The following SLC35D4 variants were observed in gnomAD, a reference collection of about 807,000 sequenced individuals.
SLC35D4 encodes solute carrier family 35 member D4.
At chr18:23,430,235 TTTTC>T in the SLC35D4 span, among the ~76,000 whole-genome samples, 1 of 54,182 alleles carries the variant, frequency 1.8e-5, no homozygotes, top group Non-Finnish European at 3.5e-5. Flanking sequence ...GGTTAGCCAG[TTTTC>T]TTTTTTATTT....
the SLC35D4 span, chr18:23,257,205 TTTGA>T: frequency 6.2e-7 from 1 of 1,605,202 alleles, no homozygotes; most frequent in African/African-American, 1.3e-5. Flanking sequence ...TGAACATGCT[TTTGA>T]TTTTCTTTTT....
chr18:23,253,370 C>T, the SLC35D4 span, among the ~76,000 whole-genome samples: 1 of 152,176 alleles, frequency 6.6e-6, no homozygotes, highest in African/African-American at 2.4e-5. Flanking sequence ...GTAAGCACAG[C>T]TACTTGGGAG....
chr18:23,248,283 C>T, the SLC35D4 span, among the ~76,000 whole-genome samples: 4 of 152,164 alleles, frequency 2.6e-5, no homozygotes, highest in Non-Finnish European at 4.4e-5. Context: ...CCGCCTTCAC[C>T]GAGCCAGGTT....
At chr18:23,361,655 A>G in the SLC35D4 span, among the ~76,000 whole-genome samples, 1 of 152,140 alleles carries the variant, frequency 6.6e-6, no homozygotes, top group Admixed American at 6.5e-5. Flanking sequence ...TGAATCCAAC[A>G]GGCTCCACAA....
the SLC35D4 span, among the ~76,000 whole-genome samples, chr18:23,322,134 C>T: frequency 6.6e-6 from 1 of 152,332 alleles, no homozygotes; most frequent in Admixed American, 6.5e-5. Context: ...CAGTGAGACT[C>T]TAATTTTTTA....
the SLC35D4 span, among the ~76,000 whole-genome samples, chr18:23,271,675 G>A: frequency 6.6e-6 from 1 of 152,144 alleles, no homozygotes; most frequent in South Asian, 2.1e-4. Flanking sequence ...CAGGATGGGG[G>A]CTTGGAAAGA....
chr18:23,303,119 G>A, the SLC35D4 span, among the ~76,000 whole-genome samples: 1 of 152,220 alleles, frequency 6.6e-6, no homozygotes, highest in East Asian at 1.9e-4. Flanking sequence ...CCTGGGCTCT[G>A]AGAGCTGGTC....
the SLC35D4 span, among the ~76,000 whole-genome samples, chr18:23,328,232 G>C: frequency 1.3e-5 from 2 of 152,058 alleles, no homozygotes; most frequent in African/African-American, 2.4e-5. Context: ...AGAAATAAAG[G>C]GTATTCAATT....
At chr18:23,260,730 G>T in the SLC35D4 span, among the ~76,000 whole-genome samples, 1 of 152,100 alleles carries the variant, frequency 6.6e-6, no homozygotes, top group African/African-American at 2.4e-5. Context: ...ATGGGGGCGC[G>T]CCCTGACGTC....
chr18:23,435,130 C>T, the SLC35D4 span, among the ~76,000 whole-genome samples: 1 of 151,798 alleles, frequency 6.6e-6, no homozygotes, highest in Non-Finnish European at 1.5e-5. Flanking sequence ...TGCACTCCAG[C>T]CTGGGTGACA....
the SLC35D4 span, among the ~76,000 whole-genome samples, chr18:23,292,764 A>G: frequency 2.0e-3 from 303 of 152,322 alleles, 1 homozygote; most frequent in African/African-American, 7.0e-3. Flanking sequence ...TGTCCCCTGC[A>G]CTACCATTGG....
chr18:23,437,832 C>G, the SLC35D4 span: 9 of 1,613,026 alleles, frequency 5.6e-6, no homozygotes, highest in African/African-American at 6.7e-5. Flanking sequence ...TGAGGCCGAC[C>G]AGAGACCTCC....
the SLC35D4 span, among the ~76,000 whole-genome samples, chr18:23,396,421 T>C: frequency 6.6e-6 from 1 of 152,158 alleles, no homozygotes; most frequent in African/African-American, 2.4e-5. Flanking sequence ...ATCCACCCTA[T>C]GAATTTCTAA....
chr18:23,286,351 C>A, the SLC35D4 span, among the ~76,000 whole-genome samples: 2 of 152,184 alleles, frequency 1.3e-5, no homozygotes, highest in Non-Finnish European at 2.9e-5. Context: ...CCAAGGAATG[C>A]CCGCAGCCCA....
At chr18:23,253,921 CA>C in the SLC35D4 span, 1 of 1,614,084 alleles carries the variant, frequency 6.2e-7, no homozygotes, top group Admixed American at 1.7e-5. Flanking sequence ...AACACGAAGT[CA>C]AGCATTTAAT....
chr18:23,381,364 C>T, the SLC35D4 span, among the ~76,000 whole-genome samples: 1 of 152,130 alleles, frequency 6.6e-6, no homozygotes, highest in Non-Finnish European at 1.5e-5. Flanking sequence ...TTTTTAGAGT[C>T]AGGGTCTCAC....
chr18:23,334,794 C>T, the SLC35D4 span, among the ~76,000 whole-genome samples: 4 of 151,884 alleles, frequency 2.6e-5, no homozygotes, highest in Non-Finnish European at 5.9e-5. Flanking sequence ...TGAGGTCGGA[C>T]GGGTTCGAGA....
the SLC35D4 span, among the ~76,000 whole-genome samples, chr18:23,239,200 C>G: frequency 6.6e-6 from 1 of 152,252 alleles, no homozygotes; most frequent in Admixed American, 6.5e-5. Context: ...TGCTAGAAGA[C>G]TTGCCAAGTC....
chr18:23,379,264 C>G, the SLC35D4 span, among the ~76,000 whole-genome samples: 1 of 152,000 alleles, frequency 6.6e-6, no homozygotes, highest in Non-Finnish European at 1.5e-5. Context: ...GCTGGGATTA[C>G]AGGTGTGTGC....
Sources: allele counts gnomAD v4.1 joint callset (sites outside exome capture counted in the v4.1 genomes callset), GRCh38; gene constraint gnomAD v4.1.1; transcripts MANE v1.5; gene names NCBI Gene and HGNC (gene_info 2026-07-23, HGNC 2026-07-21).